SPNS2: variants seen among roughly 807,000 people sequenced by gnomAD.
SPNS2 encodes the protein SPNS lysolipid transporter 2, sphingosine-1-phosphate.
SPNS2 carries 37 observed loss-of-function variants against 57.6 expected under a neutral mutation model. The ratio of observed to expected loss-of-function variants is 0.64; its 90% CI spans 0.49 to 0.85. SPNS2 has a LOEUF of 0.85. SPNS2 is among the 40% of genes least tolerant of loss of function. SPNS2 has a pLI of 0.00. For synonymous variants in SPNS2, 440 were observed against 346.9 expected, an observed-to-expected ratio of 1.27 and a Z score of -2.98; for missense variants, 831 against 779.1, an observed-to-expected ratio of 1.07 and a Z score of -0.79.
chr17:4,522,573 T>TCCTC (rs1387020339), intron 2 of SPNS2, among the ~76,000 whole-genome samples: 1 of 152,158 alleles, frequency 6.6e-6, no homozygotes, highest in Non-Finnish European at 1.5e-5. Context: ...TTTTCCTCCT[T>TCCTC]CCTCCCTCCC....
chr17:4,502,891 G>A (rs1189536325), intron 1 of SPNS2, among the ~76,000 whole-genome samples: 2 of 152,162 alleles, frequency 1.3e-5, no homozygotes. Context: ...TCTCCATCCT[G>A]GGAACTCTAG....
chr17:4,532,052 CCTCA>C (rs1424431482), intron 5 of SPNS2, among the ~76,000 whole-genome samples: 1 of 152,168 alleles, frequency 6.6e-6, no homozygotes, highest in East Asian at 1.9e-4. Context: ...TTTTCTCCTC[CCTCA>C]AAGTCATCAT....
Position 4,536,897 on chromosome 17 carries a change from C to G in SPNS2, c.1608-3C>G, listed in dbSNP as rs766840576. The G allele has an allele frequency of 6.2e-7, 1 of 1,613,402 alleles. No homozygotes were observed. Among genetic ancestry groups the G allele is most frequent in the Non-Finnish European group, 8.5e-7 (1 of 1,179,724 alleles). ...CCCTGACCCCCGCCCGTCTCTCCCC[C>G]AGGGTGAACCAGCTGGCGATGCCGC... On this transcript the variant is annotated splice_polypyrimidine_tract_variant and splice_region_variant and intron_variant, in intron 11 of 12. Transcript: ENST00000329078.
At position 4,520,509 on chromosome 17, in the gene SPNS2, C is replaced by T. The variant is rs60929137; in HGVS notation, c.437-4548C>T. 4.7e-3 allele frequency among the ~76,000 whole-genome samples: 722 copies of T among 152,182 alleles called. 5 individuals are homozygous for T. Among genetic ancestry groups the T allele is most frequent in the African/African-American group, 0.017 (688 of 41,516 alleles). The stretch of plus-strand genomic sequence containing the variant: ...GTTGGGGGGCGGGGTGGAGAGAGCG[C>T]GCTGTGGTTCTCTGCCGCCTTCTAA... On this transcript the variant is annotated intron_variant, in intron 2 of 12. Transcript: ENST00000329078.
intron 3 of SPNS2, among the ~76,000 whole-genome samples, chr17:4,529,843 A>T (rs1174851048): frequency 1.3e-5 from 2 of 152,108 alleles, no homozygotes; most frequent in Non-Finnish European, 2.9e-5. Flanking sequence ...AGATGGGCCA[A>T]CCCAGGCAGC....
chr17:4,503,912 G>A (rs1904600655), intron 1 of SPNS2, among the ~76,000 whole-genome samples: 1 of 151,996 alleles, frequency 6.6e-6, no homozygotes, highest in African/African-American at 2.4e-5. Context: ...GGGACTTGGG[G>A]GCTTCCCCAG....
At chr17:4,503,292 T>G (rs1484545006) in intron 1 of SPNS2, among the ~76,000 whole-genome samples, 1 of 152,168 alleles carries the variant, frequency 6.6e-6, no homozygotes, top group Non-Finnish European at 1.5e-5. Context: ...GCAAGAGCCC[T>G]TTGGGTAGAT....
chr17:4,532,714 AAG>A, intron 6 of SPNS2, 30 bp downstream of exon 6: 3 of 1,605,756 alleles, frequency 1.9e-6, no homozygotes, highest in Non-Finnish European at 2.6e-6. Context: ...GTCTGGTGGG[AAG>A]AGAGAGGGGT....
At chr17:4,534,177 C>T (rs549616511) in intron 9 of SPNS2, among the ~76,000 whole-genome samples, 469 of 152,282 alleles carry the variant, frequency 3.1e-3, no homozygotes, top group Non-Finnish European at 4.8e-3. Flanking sequence ...CTCCTCCCCC[C>T]GCTGGGTCTG....
intron 1 of SPNS2, among the ~76,000 whole-genome samples, chr17:4,500,013 G>A (rs1345564893): frequency 6.6e-6 from 1 of 152,152 alleles, no homozygotes. Context: ...GGGAGGGGCG[G>A]GGCGGGTCCG....
chr17:4,502,208 T>C (rs1487158387), intron 1 of SPNS2, among the ~76,000 whole-genome samples: 1 of 150,732 alleles, frequency 6.6e-6, no homozygotes, highest in African/African-American at 2.4e-5. Flanking sequence ...AAACCCCCCA[T>C]CTCTACTAAA....
intron 2 of SPNS2, among the ~76,000 whole-genome samples, chr17:4,518,991 G>A (rs896599067): frequency 2.0e-5 from 3 of 152,168 alleles, no homozygotes; most frequent in Non-Finnish European, 2.9e-5. Flanking sequence ...AAGTCTGAGC[G>A]TGGTGAGCTT....
At chr17:4,501,593 C>T (rs1011605716) in intron 1 of SPNS2, among the ~76,000 whole-genome samples, 1 of 152,310 alleles carries the variant, frequency 6.6e-6, no homozygotes, top group East Asian at 1.9e-4. Flanking sequence ...ACACAACAGA[C>T]ACAGGTTTCC....
chr17:4,503,345 G>A (rs748259474), intron 1 of SPNS2, among the ~76,000 whole-genome samples: 3 of 152,300 alleles, frequency 2.0e-5, no homozygotes, highest in Non-Finnish European at 4.4e-5. Flanking sequence ...AGCTCCCCTA[G>A]GGCACATGGC....
In SPNS2 at chr17:4,538,748, G is replaced by A. The variant is rs189775164; in HGVS notation, c.*1300G>A. 2.2e-4 allele frequency: 159 copies of A among 711,200 alleles called. 1 individual carries two copies. The East Asian group carries it at 2.4e-3, about 11-fold the overall frequency. 44.1% of individuals were successfully genotyped at this position (711,200 alleles called of 1,614,324 possible). ...TGTGGCTTCAGTGGTGTGTAAGCAG[G>A]TGGAATACTCACCCACCAAGCTCTG... On this transcript the variant is annotated 3_prime_UTR_variant, in exon 13 of 13. Transcript: ENST00000329078.
At position 4,538,814 on chromosome 17, in the gene SPNS2, G is replaced by A; in HGVS notation, c.*1366G>A. 1.3e-6 allele frequency: 1 copy of A among 766,892 alleles called. No homozygotes were observed. The highest frequency in any genetic ancestry group is 1.8e-5 in the Admixed American group (1 of 56,300). The allele number at this position is 766,892 out of a possible 1,614,324, so 47.5% of individuals were successfully genotyped here. ...CTGACAAGAGGATGGGGTGGGGGTG[G>A]CATCCTCCAAAGACCAGCCTCCACC... On this transcript the variant is annotated 3_prime_UTR_variant, in exon 13 of 13. Coordinates refer to ENST00000329078, the MANE Select transcript of SPNS2 (RefSeq NM_001124758.3).
At chr17:4,533,994 G>A (rs531333998) in intron 9 of SPNS2, 141 bp downstream of exon 9, 3 of 805,366 alleles carry the variant, frequency 3.7e-6, no homozygotes, top group South Asian at 3.0e-5. Context: ...CAGAGGCAGG[G>A]AGGGGATCAG....
rs7207689 is a variant in SPNS2, at chr17:4,512,999, G to A, written c.371-248G>A. On this transcript the variant is annotated intron_variant, in intron 1 of 12. Transcript: ENST00000329078. This position sits in a 1 kb window ranked among gnomAD's most constrained non-coding sequence, Gnocchi z 5.2. ...TGGTTGCCCATGGGGCAGAATGACC[G>A]CAGAGGAGCCCTGCCTTTCCCTGCC... is the stretch of plus-strand genomic sequence containing the variant. Among the ~76,000 whole-genome samples the A allele has an allele frequency of 0.43, 65,458 of 152,166 alleles. 14,939 individuals are homozygous for A. Among genetic ancestry groups the A allele is most frequent in the African/African-American group, 0.58 (23,930 of 41,502 alleles).
At chr17:4,516,328 A>AC (rs1904988792) in intron 2 of SPNS2, among the ~76,000 whole-genome samples, 1 of 119,266 alleles carries the variant, frequency 8.4e-6, no homozygotes. Context: ...AAAAAAAAAA[A>AC]AAAAAAAAAA....
Sources: gnomAD v4.1 joint callset for allele counts (sites outside exome capture counted in the v4.1 genomes callset) on GRCh38, gnomAD v4.1.1 for gene constraint, Gnocchi (gnomAD v3.1) non-coding constraint, MANE v1.5 for transcripts, NCBI Gene and HGNC (gene_info 2026-07-23, HGNC 2026-07-21) for gene names.